USP33: variants seen among roughly 807,000 people sequenced by gnomAD.
USP33 encodes the protein ubiquitin specific peptidase 33.
In USP33, 46 loss-of-function variants were observed where a neutral mutation model predicts 124.2. That is an observed-to-expected ratio of 0.37 (90% confidence interval 0.29 to 0.47). The LOEUF (loss-of-function observed/expected upper bound fraction) is 0.47, where lower values mean the gene tolerates loss of function less well. Among genes scored for constraint, USP33 ranks in the 20% least tolerant of loss-of-function variants. The probability of loss-of-function intolerance (pLI) is 0.99; values close to 1 mark genes in which losing one functional copy is unlikely to be tolerated. For synonymous variants in USP33, 350 were observed against 352.3 expected (o/e 0.99, Z 0.07); for missense variants, 851 against 1,070.6 (o/e 0.79, Z 2.86).
rs1339254629 is a variant in USP33, at chr1:77,759,729, C to T, written c.-138G>A. The T allele has an allele frequency of 7.5e-6, 3 of 398,290 alleles. No homozygotes were observed. The highest frequency in any genetic ancestry group is 4.4e-5 in the Admixed American group (1 of 22,706). The allele number at this position is 398,290 out of a possible 1,614,324, so 24.7% of individuals were successfully genotyped here. ...CGCAAGCTCCTCTTTTCCTTCTCAG[C>T]TCTCGGAGAGGGGCAGTGTCGCGTC... is the stretch of plus-strand genomic sequence containing the variant. On this transcript the variant is annotated 5_prime_UTR_variant, in exon 1 of 24. Transcript: ENST00000370794.
chr1:77,713,142 CTT>C, intron 20 of USP33, 56 bp downstream of exon 20: 1 of 1,420,772 alleles, frequency 7.0e-7, no homozygotes, highest in African/African-American at 1.5e-5. Flanking sequence ...ATCCAAACCC[CTT>C]TTAACCAGTT....
chr1:77,755,464 G>A (rs1470203271), intron 1 of USP33, among the ~76,000 whole-genome samples: 2 of 152,220 alleles, frequency 1.3e-5, no homozygotes, highest in Admixed American at 6.5e-5. Context: ...GGGAATCCAA[G>A]GTGGGAGGGT....
At chr1:77,716,057 T>A (rs1016598516) in intron 17 of USP33, among the ~76,000 whole-genome samples, 189 bp from the exon 18 acceptor site, 38 of 152,160 alleles carry the variant, frequency 2.5e-4, no homozygotes, top group Non-Finnish European at 5.0e-4. Flanking sequence ...TGTAATTTTT[T>A]AAATTTTTTT....
At chr1:77,723,271 C>T (rs1229778076) in intron 12 of USP33, 60 bp downstream of exon 12, 5 of 1,239,650 alleles carry the variant, frequency 4.0e-6, no homozygotes, top group Non-Finnish European at 5.8e-6. Context: ...ATCATCTTGT[C>T]ACATTTTTAA....
chr1:77,711,284 T>C (rs1675220150), intron 21 of USP33, among the ~76,000 whole-genome samples: 1 of 151,608 alleles, frequency 6.6e-6, no homozygotes, highest in Non-Finnish European at 1.5e-5. Flanking sequence ...TCCCAGTACT[T>C]TGTGGGGCCA....
At chr1:77,747,036 T>G (rs983931118) in intron 1 of USP33, among the ~76,000 whole-genome samples, 3 of 152,148 alleles carry the variant, frequency 2.0e-5, no homozygotes, top group Non-Finnish European at 4.4e-5. Flanking sequence ...TTTTTACTAT[T>G]GGGTCCATAA....
In USP33 at chr1:77,719,933, T is replaced by C. The variant is rs1213241871; in HGVS notation, c.1691+1239A>G. On this transcript the variant is annotated intron_variant, in intron 15 of 23. Coordinates refer to ENST00000370794, the MANE Select transcript of USP33 (RefSeq NM_201624.3). ...TCTCAGCATTTTGGGAGGCCAATGT[T>C]GGCAAATCATGCAAGCCAAGGAGTT... is the stretch of plus-strand genomic sequence containing the variant. 2.6e-5 allele frequency among the ~76,000 whole-genome samples: 4 copies of C among 151,696 alleles called. No individual in the cohort carries two copies. In the East Asian group the frequency reaches 7.7e-4, roughly 29 times the overall value.
chr1:77,720,197 T>G, intron 15 of USP33: 2 of 196,000 alleles, frequency 1.0e-5, no homozygotes, highest in African/African-American at 2.5e-5. Context: ...AAAAAAAACC[T>G]TTATTCTTAC....
At chr1:77,748,787 C>CGA (rs200155846) in intron 1 of USP33, among the ~76,000 whole-genome samples, 9 of 118,648 alleles carry the variant, frequency 7.6e-5, no homozygotes, top group African/African-American at 2.8e-4. Context: ...CCTCCCCCCC[C>CGA]CCCCCGTGCT....
chr1:77,701,638 A>G, intron 21 of USP33, 167 bp from the exon 22 acceptor site: 1 of 516,196 alleles, frequency 1.9e-6, no homozygotes, highest in Non-Finnish European at 3.4e-6. Context: ...CATCGTGAGA[A>G]CATCTCTACA....
chr1:77,747,305 A>G (rs1472752189), intron 1 of USP33, among the ~76,000 whole-genome samples: 2 of 135,790 alleles, frequency 1.5e-5, no homozygotes, highest in Non-Finnish European at 3.0e-5. Context: ...TACTCAGGGG[A>G]GTGCAGTGGC....
intron 21 of USP33, 56 bp downstream of exon 21, chr1:77,711,691 A>G (rs1675279617): frequency 6.4e-7 from 1 of 1,573,930 alleles, no homozygotes; most frequent in South Asian, 1.2e-5. Flanking sequence ...TAACTCTGAT[A>G]ATTGTCAGGT....
At position 77,697,935 on chromosome 1, in the gene USP33, A is replaced by C; in HGVS notation, c.2510-4T>G. ...TTGTCAATAGGACCTGGAGGATCTAAAGGAAAAAATATCAAAATGTATTTT... is the reference window on the plus strand; with the variant it reads ...TTGTCAATAGGACCTGGAGGATCTACAGGAAAAAATATCAAAATGTATTTT... On this transcript the variant is annotated splice_polypyrimidine_tract_variant and splice_region_variant and intron_variant, in intron 22 of 23. Coordinates refer to ENST00000370794, the MANE Select transcript of USP33 (RefSeq NM_201624.3). The C allele has an allele frequency of 6.3e-7, 1 of 1,592,320 alleles. No individual in the cohort carries two copies. Among genetic ancestry groups the C allele is most frequent in the Non-Finnish European group, 8.5e-7 (1 of 1,173,482 alleles).
At chr1:77,705,851 ACT>A (rs753574693) in intron 21 of USP33, among the ~76,000 whole-genome samples, 7 of 152,160 alleles carry the variant, frequency 4.6e-5, no homozygotes, top group Non-Finnish European at 8.8e-5. Context: ...CCTTGAAATC[ACT>A]GTTTGTCTCC....
rs756795202 is a variant in USP33, at chr1:77,759,738, AG to A, written c.-148del. 1.5e-5 allele frequency: 6 copies of A among 397,896 alleles called. No individual in the cohort carries two copies. Among genetic ancestry groups the A allele is most frequent in the East Asian group, 7.1e-5 (2 of 28,044 alleles). The allele number at this position is 397,896 out of a possible 1,614,324, so 24.6% of individuals were successfully genotyped here. On this transcript the variant is annotated 5_prime_UTR_variant, in exon 1 of 24. Coordinates refer to ENST00000370794, the MANE Select transcript of USP33 (RefSeq NM_201624.3). Reference sequence around the variant, plus strand: ...CTCTTTTCCTTCTCAGCTCTCGGAGAGGGGCAGTGTCGCGTCAGGAGGGCCG... The same window carrying A: ...CTCTTTTCCTTCTCAGCTCTCGGAGAGGGCAGTGTCGCGTCAGGAGGGCCG...
At chr1:77,698,405 T>G (rs1042052977) in intron 22 of USP33, among the ~76,000 whole-genome samples, 11 of 151,732 alleles carry the variant, frequency 7.2e-5, no homozygotes, top group African/African-American at 9.7e-5. Flanking sequence ...CTCCTGAGCT[T>G]CTTCGTTTTT....
At chr1:77,734,236 T>C in intron 7 of USP33, 111 bp downstream of exon 7, 1 of 799,750 alleles carries the variant, frequency 1.3e-6, no homozygotes, top group Non-Finnish European at 2.0e-6. Flanking sequence ...CCAAACCAGA[T>C]TCTTGCCTGT....
intron 3 of USP33, 26 bp downstream of exon 3, chr1:77,741,350 C>G (rs1434750926): frequency 6.4e-7 from 1 of 1,572,296 alleles, no homozygotes; most frequent in Non-Finnish European, 8.6e-7. Flanking sequence ...TTATAGCAAT[C>G]TTTTCAGGAA....
At position 77,741,768 on chromosome 1, in the gene USP33, C is replaced by A; in HGVS notation, c.-51-20G>T. 1 of 1,517,212 alleles carries A rather than the reference C, an allele frequency of 6.6e-7. No homozygotes were observed. The highest frequency in any genetic ancestry group is 8.8e-7 in the Non-Finnish European group (1 of 1,135,886). The allele number at this position is 1,517,212 out of a possible 1,614,324, so 94.0% of individuals were successfully genotyped here. On this transcript the variant is annotated intron_variant, in intron 1 of 23. Transcript: ENST00000370794. The stretch of plus-strand genomic sequence containing the variant: ...TAACACCTATAAGAAAAGTAACACA[C>A]ACAAAAAAATTAATAAATGCTTACA...
Sources: allele counts gnomAD v4.1 joint callset (sites outside exome capture counted in the v4.1 genomes callset), GRCh38; gene constraint gnomAD v4.1.1; transcripts MANE v1.5; gene names NCBI Gene and HGNC (gene_info 2026-07-23, HGNC 2026-07-21).